Variants in AHI1 observed in about 807,000 individuals in gnomAD.
The protein encoded by AHI1 is Abelson helper integration site 1.
Under a neutral mutation model 149.3 loss-of-function variants are expected in AHI1, and 123 were observed. The observed-to-expected ratio is 0.82, with a 90% CI of 0.71 to 0.96. The LOEUF is 0.96. Among genes scored for constraint, AHI1 ranks in the 40% least tolerant of loss-of-function variants. The pLI is 0.00. For missense variants in AHI1, 1,439 were observed against 1,422.7 expected, an observed-to-expected ratio of 1.01 and a Z score of -0.18; for synonymous variants, 475 against 459.8, an observed-to-expected ratio of 1.03 and a Z score of -0.42.
rs1458287753 is a variant in AHI1, at chr6:135,401,056, C to T, written c.2988+3895G>A. 3.3e-5 allele frequency among the ~76,000 whole-genome samples: 5 copies of T among 152,168 alleles called. No homozygotes were observed. In the East Asian group the frequency reaches 9.6e-4, roughly 29 times the overall value. On this transcript the variant is annotated intron_variant, in intron 22 of 28. Coordinates refer to ENST00000265602, the MANE Select transcript of AHI1 (RefSeq NM_001134831.2). The stretch of plus-strand genomic sequence containing the variant: ...ACTTTTTGGTTTACAATTGTTTCCC[C>T]TTGCTTGCTCACTACACTACTTAAG...
chr6:135,493,116 A>G, intron 3 of AHI1: 1 of 281,696 alleles, frequency 3.5e-6, no homozygotes. Flanking sequence ...CTCCTGCCTC[A>G]GCCTCCCGAG....
intron 18 of AHI1, among the ~76,000 whole-genome samples, chr6:135,429,650 G>GT (rs1784376632): frequency 6.6e-6 from 1 of 150,972 alleles, no homozygotes; most frequent in Admixed American, 6.6e-5. Flanking sequence ...CTGGATAATT[G>GT]TTTTAGGGGG....
chr6:135,475,075 G>A (rs999179831), intron 5 of AHI1, among the ~76,000 whole-genome samples: 1 of 152,012 alleles, frequency 6.6e-6, no homozygotes, highest in African/African-American at 2.4e-5. Flanking sequence ...TACAGATTCC[G>A]TTTTTTTAAA....
At chr6:135,338,443 A>G (rs1789760776) in intron 24 of AHI1, among the ~76,000 whole-genome samples, 1 of 152,254 alleles carries the variant, frequency 6.6e-6, no homozygotes, top group Non-Finnish European at 1.5e-5. Context: ...AGCATTTTCA[A>G]TGGCTAAATA....
At chr6:135,441,128 G>T (rs987037865) in intron 14 of AHI1, among the ~76,000 whole-genome samples, 2 of 151,386 alleles carry the variant, frequency 1.3e-5, no homozygotes, top group Admixed American at 6.6e-5. Flanking sequence ...TATCAATAAA[G>T]AAATAGATAT....
At chr6:135,481,544 C>T (rs1392457456) in intron 5 of AHI1, among the ~76,000 whole-genome samples, 5 of 151,856 alleles carry the variant, frequency 3.3e-5, no homozygotes, top group Non-Finnish European at 5.9e-5. Flanking sequence ...GGACACTCAA[C>T]GTTTATTATA....
intron 24 of AHI1, among the ~76,000 whole-genome samples, chr6:135,356,220 CT>C (rs1026256698): frequency 6.6e-6 from 1 of 152,130 alleles, no homozygotes; most frequent in Non-Finnish European, 1.5e-5. Flanking sequence ...GGTATCTCTT[CT>C]TTTTTTGGGT....
intron 23 of AHI1, among the ~76,000 whole-genome samples, chr6:135,391,661 G>A (rs1168866100): frequency 1.3e-5 from 2 of 152,026 alleles, no homozygotes; most frequent in Admixed American, 6.6e-5. Flanking sequence ...ACCTTTTCCA[G>A]TCAAACCAAG....
intron 23 of AHI1, among the ~76,000 whole-genome samples, chr6:135,364,915 A>AAGAGGAAGAGGG (rs1467833978): frequency 1.3e-5 from 2 of 150,582 alleles, no homozygotes; most frequent in Non-Finnish European, 2.9e-5. Flanking sequence ...TGGGGAGAGG[A>AAGAGGAAGAGGG]AGAGGAAGAG....
In AHI1 at chr6:135,376,921, A is replaced by AAAAAAAAAAAAG. The variant is rs1776025303; in HGVS notation, c.3109+17854_3109+17855insCTTTTTTTTTTT. On this transcript the variant is annotated intron_variant, in intron 23 of 28. Transcript: ENST00000265602. ...AAAAAAAAAAAAAAAAAAAAAAAAA[A>AAAAAAAAAAAAG]GTTGGTCCAGTTTGACTCAAAAGTC... Among the ~76,000 whole-genome samples the AAAAAAAAAAAAG allele has an allele frequency of 3.1e-5, 4 of 128,798 alleles. 1 individual carries two copies. The highest frequency in any genetic ancestry group is 1.1e-4 in the African/African-American group (4 of 35,118). The allele number at this position is 128,798 out of a possible 152,430, so 84.5% of individuals were successfully genotyped here. A position where few individuals can be genotyped will look rare whatever the true frequency, so the allele number is the denominator to read the frequency against.
At chr6:135,469,254 A>C (rs1791317163) in intron 5 of AHI1, among the ~76,000 whole-genome samples, 1 of 152,182 alleles carries the variant, frequency 6.6e-6, no homozygotes, top group South Asian at 2.1e-4. Context: ...ACTAAAGACA[A>C]AAACCATATG....
At chr6:135,407,905 G>A (rs1318369278) in intron 21 of AHI1, among the ~76,000 whole-genome samples, 4 of 151,804 alleles carry the variant, frequency 2.6e-5, no homozygotes, top group African/African-American at 9.7e-5. Context: ...CGTGGTGGCG[G>A]GCACCTGTAG....
intron 3 of AHI1, 101 bp downstream of exon 3, chr6:135,495,713 T>C (rs1393596863): frequency 1.3e-5 from 2 of 152,148 alleles, no homozygotes; most frequent in Non-Finnish European, 2.9e-5. Flanking sequence ...TCTGCCACTA[T>C]GAAAGAAAAG....
At chr6:135,361,644 TTCACAC>T (rs1164177522) in intron 23 of AHI1, among the ~76,000 whole-genome samples, 3 of 91,840 alleles carry the variant, frequency 3.3e-5, no homozygotes, top group Admixed American at 2.5e-4. Context: ...TAGGTATGGT[TTCACAC>T]ACACACACAC....
At chr6:135,306,517 G>A (rs1405146376) in intron 26 of AHI1, among the ~76,000 whole-genome samples, 1 of 152,170 alleles carries the variant, frequency 6.6e-6, no homozygotes, top group African/African-American at 2.4e-5. Context: ...GTAGAGAATG[G>A]GGTAGAGTCA....
At chr6:135,463,456 C>T (rs910000957) in intron 7 of AHI1, 150 bp from the exon 8 acceptor site, 1 of 630,508 alleles carries the variant, frequency 1.6e-6, no homozygotes, top group Non-Finnish European at 2.5e-6. Context: ...TTTTCTTATA[C>T]ACTAAAATGG....
At chr6:135,385,844 G>C (rs1484788233) in intron 23 of AHI1, among the ~76,000 whole-genome samples, 1 of 152,182 alleles carries the variant, frequency 6.6e-6, no homozygotes, top group East Asian at 1.9e-4. Context: ...AACATTGATT[G>C]ATTTAGGAAG....
chr6:135,369,441 A>T (rs1434176393), intron 23 of AHI1, among the ~76,000 whole-genome samples: 1 of 152,200 alleles, frequency 6.6e-6, no homozygotes, highest in African/African-American at 2.4e-5. Context: ...CCATTTTGAG[A>T]CAGCATCAAC....
At chr6:135,410,335 A>G (rs1781409712) in intron 21 of AHI1, among the ~76,000 whole-genome samples, 1 of 152,226 alleles carries the variant, frequency 6.6e-6, no homozygotes, top group Admixed American at 6.5e-5. Context: ...ACACCACTGC[A>G]TTCCAACCTG....
Sources: allele counts gnomAD v4.1 joint callset (sites outside exome capture counted in the v4.1 genomes callset), GRCh38; gene constraint gnomAD v4.1.1; transcripts MANE v1.5; gene names NCBI Gene and HGNC (gene_info 2026-07-23, HGNC 2026-07-21).